Variants in GRM5 observed in about 807,000 individuals in gnomAD.
The protein encoded by GRM5 is metabotropic glutamate receptor 5.
GRM5 carries 19 observed loss-of-function variants against 83.1 expected under a neutral mutation model. The ratio of observed to expected loss-of-function variants is 0.23; its 90% CI spans 0.16 to 0.34. The LOEUF (loss-of-function observed/expected upper bound fraction) is 0.34, where lower values mean the gene tolerates loss of function less well. Among genes scored for constraint, GRM5 ranks in the 10% least tolerant of loss-of-function variants. GRM5 has a pLI of 1.00. For missense variants in GRM5, 1,160 were observed against 1,588.3 expected, an observed-to-expected ratio of 0.73 and a Z score of 4.58; for synonymous variants, 675 against 633.6, an observed-to-expected ratio of 1.07 and a Z score of -0.98.
rs201996144 is a variant in GRM5 at position 88,902,950 on chromosome 11, CAAAAAAAAAAAAAAAAA to C, written c.662-52812_662-52796del. On this transcript the variant is annotated intron_variant, in intron 2 of 9. Coordinates refer to ENST00000305447, the MANE Select transcript of GRM5 (RefSeq NM_001143831.3). ...TGGGCGACAGACCAAGACTCCATCT[CAAAAAAAAAAAAAAAAA>C]AAAAAAAAAAAAGCAAAGAAAAGGA... Among the ~76,000 whole-genome samples, 75 of 61,902 alleles carry C rather than the reference CAAAAAAAAAAAAAAAAA, an allele frequency of 1.2e-3. No homozygotes were observed. The East Asian group carries it at 0.03, about 24-fold the overall frequency. The allele number at this position is 61,902 out of a possible 152,430, so 40.6% of individuals were successfully genotyped here. A position where few individuals can be genotyped will look rare whatever the true frequency, so the allele number is the denominator to read the frequency against.
At chr11:88,582,136 T>C (rs1251753814) in intron 7 of GRM5, among the ~76,000 whole-genome samples, 1 of 152,184 alleles carries the variant, frequency 6.6e-6, no homozygotes, top group East Asian at 1.9e-4. Context: ...CTTAATGTAT[T>C]GAAATTGCCT....
chr11:88,927,570 T>G (rs2135640715), intron 2 of GRM5, among the ~76,000 whole-genome samples: 1 of 152,260 alleles, frequency 6.6e-6, no homozygotes, highest in East Asian at 1.9e-4. Flanking sequence ...TTGAACTTAA[T>G]TTGAATGGAC....
intron 3 of GRM5, among the ~76,000 whole-genome samples, chr11:88,822,506 TAAG>T (rs1943816771): frequency 6.6e-6 from 1 of 152,182 alleles, no homozygotes; most frequent in African/African-American, 2.4e-5. Context: ...GCTAAAACTG[TAAG>T]AAGATCATTC....
At chr11:88,524,497 C>T (rs764550341) in intron 9 of GRM5, among the ~76,000 whole-genome samples, 1 of 151,498 alleles carries the variant, frequency 6.6e-6, no homozygotes, top group Non-Finnish European at 1.5e-5. Context: ...GGATTACAGG[C>T]GTGAGCCAAT....
intron 9 of GRM5, among the ~76,000 whole-genome samples, chr11:88,520,286 T>G (rs1158893791): frequency 6.6e-6 from 1 of 152,182 alleles, no homozygotes; most frequent in African/African-American, 2.4e-5. Flanking sequence ...TGGAGATAAA[T>G]AAAGTGAAGG....
At chr11:88,902,950 CAAAAAAAAAAAAA>C (rs201996144) in intron 2 of GRM5, among the ~76,000 whole-genome samples, 5 of 61,922 alleles carry the variant, frequency 8.1e-5, no homozygotes, top group African/African-American at 3.4e-4. Context: ...GACTCCATCT[CAAAAAAAAAAAAA>C]AAAAAAAAAA....
chr11:88,526,453 A>T (rs1941879596), intron 8 of GRM5, among the ~76,000 whole-genome samples: 1 of 152,222 alleles, frequency 6.6e-6, no homozygotes, highest in African/African-American at 2.4e-5. Flanking sequence ...TCAGTAGAGA[A>T]TAACCACCTG....
At chr11:89,059,114 T>A (rs1179286209) in intron 1 of GRM5, among the ~76,000 whole-genome samples, 1 of 152,176 alleles carries the variant, frequency 6.6e-6, no homozygotes. Flanking sequence ...TTCATTTTCC[T>A]CAGAACATTT....
chr11:88,510,011 G>A (rs1313414426), intron 9 of GRM5, among the ~76,000 whole-genome samples: 1 of 152,186 alleles, frequency 6.6e-6, no homozygotes, highest in East Asian at 1.9e-4. Flanking sequence ...GTAGTCAGTG[G>A]TTCCAGTTCC....
At chr11:88,834,232 ATACATATG>A (rs1169065205) in intron 3 of GRM5, among the ~76,000 whole-genome samples, 1 of 152,178 alleles carries the variant, frequency 6.6e-6, no homozygotes, top group Non-Finnish European at 1.5e-5. Context: ...TGTGTACCCC[ATACATATG>A]TACAAATATG....
chr11:88,917,101 T>G lies in GRM5; in HGVS notation c.662-66946A>C, dbSNP rs151018626. ...CAGCAATGGTAGTCACAGGAGGGCT[T>G]GTGACACCCCTTCTCCAACTTCAGG... On this transcript the variant is annotated intron_variant, in intron 2 of 9. Transcript: ENST00000305447. Among the ~76,000 whole-genome samples the G allele has an allele frequency of 6.3e-3, 956 of 152,322 alleles. 7 individuals carry two copies. The highest frequency in any genetic ancestry group is 0.022 in the African/African-American group (894 of 41,576).
At chr11:88,519,279 A>G (rs1941611571) in intron 9 of GRM5, among the ~76,000 whole-genome samples, 1 of 151,968 alleles carries the variant, frequency 6.6e-6, no homozygotes, top group African/African-American at 2.4e-5. Flanking sequence ...GCTGTTGTAG[A>G]AAATAGTTAG....
intron 3 of GRM5, among the ~76,000 whole-genome samples, chr11:88,687,900 ACT>A (rs2135355326): frequency 6.6e-6 from 1 of 151,786 alleles, no homozygotes; most frequent in East Asian, 1.9e-4. Flanking sequence ...CAAATTTAGA[ACT>A]CTGTTACAAT....
intron 2 of GRM5, among the ~76,000 whole-genome samples, chr11:88,965,779 T>C (rs573492220): frequency 1.3e-5 from 2 of 152,248 alleles, no homozygotes; most frequent in South Asian, 4.1e-4. Context: ...AAAGGAGACA[T>C]ATACAAACAC....
intron 8 of GRM5, among the ~76,000 whole-genome samples, chr11:88,551,252 C>T (rs117831654): frequency 8.7e-4 from 132 of 152,230 alleles, no homozygotes; most frequent in Middle Eastern, 6.8e-3. Context: ...ATCCCCTTTC[C>T]ACATCCTACA....
At chr11:88,795,317 T>C (rs1362865184) in intron 3 of GRM5, among the ~76,000 whole-genome samples, 1 of 152,198 alleles carries the variant, frequency 6.6e-6, no homozygotes, top group East Asian at 1.9e-4. Flanking sequence ...GTGACCTCCA[T>C]GCTACATAAT....
intron 7 of GRM5, among the ~76,000 whole-genome samples, chr11:88,570,760 G>T (rs1230244986): frequency 2.0e-5 from 3 of 150,538 alleles, no homozygotes. Flanking sequence ...GTAGAGACGG[G>T]ATTTCACCAT....
At chr11:88,606,110 A>T (rs1008797003) in intron 4 of GRM5, among the ~76,000 whole-genome samples, 2 of 152,162 alleles carry the variant, frequency 1.3e-5, no homozygotes, top group Non-Finnish European at 2.9e-5. Flanking sequence ...GATAAGATAG[A>T]GCATGCTATG....
intron 1 of GRM5, among the ~76,000 whole-genome samples, chr11:89,052,017 ACTC>A (rs1237274464): frequency 6.6e-6 from 1 of 152,080 alleles, no homozygotes; most frequent in Non-Finnish European, 1.5e-5. Flanking sequence ...ATCAGGGTCT[ACTC>A]CTAGCTTCTA....
Sources: gnomAD v4.1 joint callset for allele counts (sites outside exome capture counted in the v4.1 genomes callset) on GRCh38, gnomAD v4.1.1 for gene constraint, MANE v1.5 for transcripts, NCBI Gene and HGNC (gene_info 2026-07-23, HGNC 2026-07-21) for gene names.